Variants in NR2F1-AS1 observed in about 807,000 individuals in gnomAD.
The protein encoded by NR2F1-AS1 is NR2F1 regulatory antisense RNA 1.
chr5:93,533,741 G>A (rs1257684433), intron 4 of NR2F1-AS1, among the ~76,000 whole-genome samples: 4 of 152,282 alleles, frequency 2.6e-5, no homozygotes, highest in Middle Eastern at 6.8e-3. Flanking sequence ...TACAGAAGAG[G>A]AAGGTAAGGC....
At chr5:93,486,633 CCAAA>C (rs1750723450) in intron 4 of NR2F1-AS1, among the ~76,000 whole-genome samples, 1 of 152,226 alleles carries the variant, frequency 6.6e-6, no homozygotes, top group East Asian at 1.9e-4. Flanking sequence ...AAGCCCAGGA[CCAAA>C]CAGATTCACA....
chr5:93,532,133 T>C (rs1481340284), intron 4 of NR2F1-AS1, among the ~76,000 whole-genome samples: 3 of 152,122 alleles, frequency 2.0e-5, no homozygotes, highest in South Asian at 2.1e-4. Flanking sequence ...CAGAGATACA[T>C]TGCCTCCTCA....
chr5:93,472,054 T>C (rs1750376215), intron 4 of NR2F1-AS1, among the ~76,000 whole-genome samples: 1 of 151,842 alleles, frequency 6.6e-6, no homozygotes, highest in Non-Finnish European at 1.5e-5. Flanking sequence ...ATTATCCATT[T>C]TCAGAGGAGG....
chr5:93,529,675 T>C (rs1751693707), intron 4 of NR2F1-AS1, among the ~76,000 whole-genome samples: 1 of 152,128 alleles, frequency 6.6e-6, no homozygotes, highest in Admixed American at 6.6e-5. Context: ...TCAAACCCAT[T>C]ATGATACTGT....
At chr5:93,475,054 G>T (rs1434251134) in intron 4 of NR2F1-AS1, among the ~76,000 whole-genome samples, 2 of 151,708 alleles carry the variant, frequency 1.3e-5, no homozygotes, top group African/African-American at 4.8e-5. Context: ...AACCTGGGAG[G>T]CGGAGCTTGC....
chr5:93,574,423 G>A (rs1416407724), intron 1 of NR2F1-AS1, among the ~76,000 whole-genome samples: 1 of 152,158 alleles, frequency 6.6e-6, no homozygotes, highest in African/African-American at 2.4e-5. Flanking sequence ...GAAAGCGACT[G>A]GGTTCTCAAC....
intron 4 of NR2F1-AS1, among the ~76,000 whole-genome samples, chr5:93,546,780 CAACT>C (rs1268178437): frequency 6.6e-6 from 1 of 152,100 alleles, no homozygotes; most frequent in Non-Finnish European, 1.5e-5. Flanking sequence ...GGAGAATGAC[CAACT>C]GTGATGGTTA....
chr5:93,488,882 A>T (rs966462864), intron 4 of NR2F1-AS1, among the ~76,000 whole-genome samples: 2 of 152,210 alleles, frequency 1.3e-5, no homozygotes, highest in Non-Finnish European at 1.5e-5. Context: ...GATAAAGAAA[A>T]TGTGGCACAT....
chr5:93,581,828 C>T (rs1400889322), upstream of NR2F1-AS1, among the ~76,000 whole-genome samples: 4 of 66,388 alleles, frequency 6.0e-5, no homozygotes, highest in African/African-American at 1.6e-4. Flanking sequence ...CTCTCTCTCT[C>T]TCTCTCTCCT....
chr5:93,530,809 A>G (rs143643299), intron 4 of NR2F1-AS1, among the ~76,000 whole-genome samples: 2 of 152,178 alleles, frequency 1.3e-5, no homozygotes, highest in African/African-American at 4.8e-5. Context: ...CCTTTTAAAG[A>G]CTGGGTTATA....
At chr5:93,529,231 A>C (rs1387750165) in intron 4 of NR2F1-AS1, among the ~76,000 whole-genome samples, 4 of 152,090 alleles carry the variant, frequency 2.6e-5, no homozygotes, top group African/African-American at 9.7e-5. Context: ...GAAGGAAATA[A>C]ATTTCCTGAA....
At chr5:93,474,916 G>A (rs1750447651) in intron 4 of NR2F1-AS1, among the ~76,000 whole-genome samples, 1 of 152,142 alleles carries the variant, frequency 6.6e-6, no homozygotes, top group Non-Finnish European at 1.5e-5. Flanking sequence ...ACAAGGTCAG[G>A]AGATCGAGAC....
At chr5:93,582,888 AC>A (rs1184747542), upstream of NR2F1-AS1, among the ~76,000 whole-genome samples, 3 of 127,188 alleles carry the variant, frequency 2.4e-5, no homozygotes, top group Admixed American at 1.7e-4. Flanking sequence ...TCAGAAACAC[AC>A]CCCCCTCCCT....
chr5:93,577,610 C>A (rs1752925313), intron 1 of NR2F1-AS1, among the ~76,000 whole-genome samples: 1 of 152,182 alleles, frequency 6.6e-6, no homozygotes, highest in South Asian at 2.1e-4. Flanking sequence ...CATTCCTGCA[C>A]CTCTCTCCAC....
chr5:93,558,774 C>T (rs1752420626), intron 2 of NR2F1-AS1, among the ~76,000 whole-genome samples: 1 of 152,164 alleles, frequency 6.6e-6, no homozygotes, highest in African/African-American at 2.4e-5. Context: ...GGTACACTGT[C>T]AAGGAGCTGT....
At chr5:93,444,459 T>C (rs1003662564) in intron 4 of NR2F1-AS1, among the ~76,000 whole-genome samples, 2 of 152,152 alleles carry the variant, frequency 1.3e-5, no homozygotes, top group African/African-American at 4.8e-5. Context: ...AACAAGGCCA[T>C]TATATAATTG....
rs575619048 is a variant in NR2F1-AS1, at chr5:93,430,500, T to G, written n.639-34958A>C. Among the ~76,000 whole-genome samples, 8 of 152,256 alleles carry G rather than the reference T, an allele frequency of 5.3e-5. No homozygotes were observed. In the South Asian group the frequency reaches 1.4e-3, roughly 28 times the overall value. ...AATCAAAGAAACAAAAAGGAGGCAT[T>G]GGTGGTGAATGTGTATGTCGATATA... On this transcript the variant is annotated intron_variant and non_coding_transcript_variant, in intron 4 of 5. Coordinates refer to ENST00000660523, the Ensembl canonical transcript of NR2F1-AS1.
At chr5:93,573,720 G>A (rs1439245434) in intron 1 of NR2F1-AS1, among the ~76,000 whole-genome samples, 1 of 152,136 alleles carries the variant, frequency 6.6e-6, no homozygotes, top group Non-Finnish European at 1.5e-5. Flanking sequence ...AGCACAGCAC[G>A]CACGGGACGC....
chr5:93,506,401 C>T (rs1382693839), intron 4 of NR2F1-AS1, among the ~76,000 whole-genome samples: 4 of 152,180 alleles, frequency 2.6e-5, no homozygotes, highest in African/African-American at 7.2e-5. Context: ...GTCGCTTCCA[C>T]ATTTTCAGGT....
Sources: gnomAD v4.1 joint callset for allele counts (sites outside exome capture counted in the v4.1 genomes callset) on GRCh38, gnomAD v4.1.1 for gene constraint, MANE v1.5 for transcripts, NCBI Gene and HGNC (gene_info 2026-07-23, HGNC 2026-07-21) for gene names.